Variants in ANO6 observed in about 807,000 individuals in gnomAD.
The protein encoded by ANO6 is anoctamin 6.
ANO6 carries 106 observed loss-of-function variants against 117.5 expected under a neutral mutation model. The ratio of observed to expected loss-of-function variants is 0.90; its 90% confidence interval spans 0.77 to 1.06. The LOEUF is 1.06. Among genes scored for constraint, ANO6 ranks in the 50% least tolerant of loss-of-function variants. The pLI, the probability that ANO6 is intolerant of heterozygous loss-of-function variation, is 0.00. For synonymous variants in ANO6, 367 were observed against 385.1 expected (o/e 0.95, Z 0.55); for missense variants, 955 against 1,121.1 (o/e 0.85, Z 2.12).
intron 1 of ANO6, among the ~76,000 whole-genome samples, chr12:45,225,859 G>C (rs1947474848): frequency 1.3e-5 from 2 of 152,190 alleles, no homozygotes; most frequent in African/African-American, 4.8e-5. Flanking sequence ...GTCTGTGCAA[G>C]AGTAGTCAAT....
intron 1 of ANO6, among the ~76,000 whole-genome samples, chr12:45,290,361 A>G (rs1939054831): frequency 6.6e-6 from 1 of 152,100 alleles, no homozygotes; most frequent in Non-Finnish European, 1.5e-5. Context: ...GCATGAAGTT[A>G]TGACTCAAAT....
chr12:45,399,988 G>A (rs942591600), intron 12 of ANO6, among the ~76,000 whole-genome samples: 3 of 152,230 alleles, frequency 2.0e-5, no homozygotes, highest in Non-Finnish European at 4.4e-5. Flanking sequence ...TAACAAGTTT[G>A]TAAAAGCTCT....
intron 1 of ANO6, among the ~76,000 whole-genome samples, chr12:45,262,084 A>C (rs1938056920): frequency 6.6e-6 from 1 of 152,208 alleles, no homozygotes; most frequent in Non-Finnish European, 1.5e-5. Context: ...TACATATTAT[A>C]TGTGAGCCAT....
intron 15 of ANO6, 140 bp downstream of exon 15, chr12:45,403,676 A>G: frequency 1.4e-6 from 1 of 732,836 alleles, no homozygotes; most frequent in Non-Finnish European, 2.4e-6. Flanking sequence ...TTGTCATTAA[A>G]GGTCTCCAGA....
intron 2 of ANO6, among the ~76,000 whole-genome samples, chr12:45,318,351 A>G (rs1041774647): frequency 1.4e-4 from 21 of 151,960 alleles, no homozygotes; most frequent in Non-Finnish European, 2.4e-4. Flanking sequence ...TGGCTAGCCA[A>G]TTTTCCCAGC....
chr12:45,292,427 C>A (rs552088680), intron 1 of ANO6, among the ~76,000 whole-genome samples: 5 of 152,250 alleles, frequency 3.3e-5, no homozygotes, highest in African/African-American at 1.2e-4. Context: ...ATTATTGCCA[C>A]TGAATTATAT....
At chr12:45,293,741 T>TTG (rs1363006081) in intron 1 of ANO6, among the ~76,000 whole-genome samples, 1 of 137,504 alleles carries the variant, frequency 7.3e-6, no homozygotes, top group Admixed American at 7.4e-5. Flanking sequence ...TTTTTTTTTT[T>TTG]TTTTTTTTTT....
At chr12:45,331,156 A>C (rs1490435147) in intron 2 of ANO6, 139 bp from the exon 3 acceptor site, 7 of 717,574 alleles carry the variant, frequency 9.8e-6, no homozygotes, top group Middle Eastern at 4.1e-4. Flanking sequence ...CATAGTGGCC[A>C]TGACTGTTTG....
At chr12:45,425,368 G>A (rs967129217) in intron 19 of ANO6, among the ~76,000 whole-genome samples, 3 of 152,112 alleles carry the variant, frequency 2.0e-5, no homozygotes, top group Admixed American at 6.5e-5. Flanking sequence ...ATGGATAAAA[G>A]AAATGAAAGA....
chr12:45,428,290 T>G lies in ANO6; in HGVS notation c.2527-815T>G, dbSNP rs141670971. Among the ~76,000 whole-genome samples the G allele has an allele frequency of 3.9e-5, 6 of 152,348 alleles. No individual in the cohort carries two copies. In the East Asian group the frequency reaches 1.2e-3, roughly 29 times the overall value. On this transcript the variant is annotated intron_variant, in intron 19 of 19. Transcript: ENST00000320560. The stretch of plus-strand genomic sequence containing the variant: ...GCAGTGAAAATTAGTGGACTAGTTT[T>G]ATAGAATAACAATCTTAGGAAATAG...
chr12:45,292,642 A>T, intron 1 of ANO6: 1 of 1,176,268 alleles, frequency 8.5e-7, no homozygotes, highest in South Asian at 2.9e-5. Context: ...CTTCCAAAGG[A>T]CGCATGTTTA....
chr12:45,221,163 C>T (rs1339084587), intron 1 of ANO6, among the ~76,000 whole-genome samples: 1 of 152,144 alleles, frequency 6.6e-6, no homozygotes, highest in South Asian at 2.1e-4. Context: ...GCCCAGCTGG[C>T]GTTCATTGCT....
At chr12:45,324,537 T>C (rs1940397223) in intron 2 of ANO6, among the ~76,000 whole-genome samples, 1 of 152,104 alleles carries the variant, frequency 6.6e-6, no homozygotes, top group Admixed American at 6.6e-5. Context: ...ACATAAGCGG[T>C]TGACTAGGGA....
At chr12:45,232,985 A>G (rs937764180) in intron 1 of ANO6, among the ~76,000 whole-genome samples, 1 of 152,222 alleles carries the variant, frequency 6.6e-6, no homozygotes, top group Non-Finnish European at 1.5e-5. Context: ...CCTGCACTCC[A>G]TCTTTTCCTC....
rs112224868 is a variant in ANO6 at position 45,261,744 on chromosome 12, G to A, written c.71-40270G>A. The stretch of plus-strand genomic sequence containing the variant: ...GTCTTTCACCTCTGAGAACAACTGT[G>A]CATTTGATCCAGTTGGTCACTTGTG... On this transcript the variant is annotated intron_variant, in intron 1 of 19. Transcript: ENST00000320560. Among the ~76,000 whole-genome samples, 444 of 152,334 alleles carry A rather than the reference G, an allele frequency of 2.9e-3. 1 individual carries two copies. The highest frequency in any genetic ancestry group is 4.7e-3 in the Non-Finnish European group (323 of 68,028).
At chr12:45,405,983 A>G (rs1942924882) in intron 15 of ANO6, among the ~76,000 whole-genome samples, 1 of 152,216 alleles carries the variant, frequency 6.6e-6, no homozygotes, top group Admixed American at 6.5e-5. Context: ...GATAGAGAAA[A>G]GCCTTATAAG....
rs899046163 is a variant in ANO6, at chr12:45,431,657, G to A, written c.*2346G>A. On this transcript the variant is annotated 3_prime_UTR_variant, in exon 20 of 20. Transcript: ENST00000320560. ...TTTCCCCATGCCATCCACAGTGTTT[G>A]TTAGTGAGTCCACGGCTGACTTGCA... 1 of 985,324 alleles carries A rather than the reference G, an allele frequency of 1.0e-6. No homozygotes were observed. Among genetic ancestry groups the A allele is most frequent in the Non-Finnish European group, 1.2e-6 (1 of 829,938 alleles). 61.0% of individuals were successfully genotyped at this position (985,324 alleles called of 1,614,324 possible).
intron 7 of ANO6, among the ~76,000 whole-genome samples, chr12:45,352,426 A>G (rs1941301481): frequency 6.6e-6 from 1 of 151,526 alleles, no homozygotes; most frequent in African/African-American, 2.4e-5. Flanking sequence ...TAACCAGAAT[A>G]CCCCCTTTTG....
chr12:45,276,497 G>T (rs1283158237), intron 1 of ANO6, among the ~76,000 whole-genome samples: 1 of 150,744 alleles, frequency 6.6e-6, no homozygotes, highest in Non-Finnish European at 1.5e-5. Context: ...CTTTTTCCTT[G>T]CATGCTCTTT....
Sources: gnomAD v4.1 joint callset for allele counts (sites outside exome capture counted in the v4.1 genomes callset) on GRCh38, gnomAD v4.1.1 for gene constraint, MANE v1.5 for transcripts, NCBI Gene and HGNC (gene_info 2026-07-23, HGNC 2026-07-21) for gene names.